TAOK1: variants seen among roughly 807,000 people sequenced by gnomAD.
TAOK1 encodes serine/threonine-protein kinase TAO1.
Under a neutral mutation model 138.3 loss-of-function variants are expected in TAOK1, and 21 were observed. That is an observed-to-expected ratio of 0.15 (90% CI 0.11 to 0.22). TAOK1 has a LOEUF of 0.22. TAOK1 is among the 10% of genes least tolerant of loss of function. The pLI, the probability that TAOK1 is intolerant of heterozygous loss-of-function variation, is 1.00. For synonymous variants in TAOK1, 361 were observed against 398.4 expected (o/e 0.91, Z 1.12); for missense variants, 651 against 1,227.7 (o/e 0.53, Z 7.02).
intron 1 of TAOK1, among the ~76,000 whole-genome samples, chr17:29,410,688 A>AGG (rs1389018222): frequency 7.2e-6 from 1 of 138,788 alleles, no homozygotes; most frequent in African/African-American, 2.8e-5. Context: ...GCTGGAGTGC[A>AGG]GTGGCGTGAT....
At chr17:29,391,438 C>T (rs895744011) in intron 1 of TAOK1, among the ~76,000 whole-genome samples, 1 of 152,070 alleles carries the variant, frequency 6.6e-6, no homozygotes, top group South Asian at 2.1e-4. Flanking sequence ...GATTCCACCC[C>T]CTAGCACAGG....
rs990410517 is a variant in TAOK1, at chr17:29,482,311, A to G, written c.655+23A>G. 8 of 1,561,762 alleles carry G rather than the reference A, an allele frequency of 5.1e-6. No homozygotes were observed. In the African/African-American group the frequency reaches 5.4e-5, roughly 11 times the overall value. On this transcript the variant is annotated intron_variant, in intron 8 of 19. Transcript: ENST00000261716. Reference sequence around the variant, plus strand: ...TAGGTAAGCATTGTTCTTCATTACTATGGATTAAGTTTTGATCAATGTTTT... The same window carrying G: ...TAGGTAAGCATTGTTCTTCATTACTGTGGATTAAGTTTTGATCAATGTTTT...
intron 1 of TAOK1, among the ~76,000 whole-genome samples, chr17:29,418,393 A>G (rs2153021552): frequency 6.6e-6 from 1 of 152,074 alleles, no homozygotes; most frequent in Middle Eastern, 3.4e-3. Flanking sequence ...TTTTGTAGAA[A>G]TAGGGTCTTG....
intron 6 of TAOK1, among the ~76,000 whole-genome samples, chr17:29,479,169 G>A (rs1234644406): frequency 6.6e-6 from 1 of 151,508 alleles, no homozygotes; most frequent in Admixed American, 6.6e-5. Context: ...AACAGAAGCT[G>A]CTTAAGACTC....
intron 17 of TAOK1, among the ~76,000 whole-genome samples, chr17:29,528,029 T>C (rs2150770684): frequency 6.6e-6 from 1 of 152,244 alleles, no homozygotes; most frequent in East Asian, 1.9e-4. Flanking sequence ...TTAGTTTTGT[T>C]ATTTTGTTTG....
At chr17:29,503,880 G>A (rs1450991729) in intron 13 of TAOK1, among the ~76,000 whole-genome samples, 2 of 152,138 alleles carry the variant, frequency 1.3e-5, no homozygotes, top group South Asian at 2.1e-4. Flanking sequence ...GGAGGCTGAA[G>A]TAAGTGGATC....
At chr17:29,497,635 CAAG>C (rs2031438605) in intron 11 of TAOK1, among the ~76,000 whole-genome samples, 1 of 134,174 alleles carries the variant, frequency 7.5e-6, no homozygotes, top group South Asian at 2.3e-4. Context: ...TTAGTTTACA[CAAG>C]AAGAGGTAGG....
At chr17:29,400,904 C>CTTTTTTTTTTTTTTT (rs10539936) in intron 1 of TAOK1, among the ~76,000 whole-genome samples, 1 of 105,276 alleles carries the variant, frequency 9.5e-6, no homozygotes, top group Non-Finnish European at 1.8e-5. Flanking sequence ...TTGTTTGCCT[C>CTTTTTTTTTTTTTTT]TTTTTTTTTT....
At chr17:29,486,543 G>A (rs2031177659) in intron 8 of TAOK1, among the ~76,000 whole-genome samples, 2 of 152,066 alleles carry the variant, frequency 1.3e-5, no homozygotes, top group South Asian at 4.1e-4. Context: ...TGAGGCAGGA[G>A]GATCTCTTGA....
At chr17:29,494,003 G>C (rs749123334) in intron 10 of TAOK1, among the ~76,000 whole-genome samples, 1 of 151,906 alleles carries the variant, frequency 6.6e-6, no homozygotes, top group Non-Finnish European at 1.5e-5. Flanking sequence ...TGCAACCTCT[G>C]CCTCTGAGGT....
intron 1 of TAOK1, among the ~76,000 whole-genome samples, chr17:29,422,513 C>T (rs372752060): frequency 2.0e-5 from 3 of 152,118 alleles, no homozygotes; most frequent in East Asian, 1.9e-4. Flanking sequence ...CCACTGCTCC[C>T]GGCCCCTCTA....
chr17:29,464,034 T>C (rs1048038127), intron 2 of TAOK1, among the ~76,000 whole-genome samples: 9 of 152,140 alleles, frequency 5.9e-5, no homozygotes, highest in Non-Finnish European at 1.0e-4. Flanking sequence ...AGACCACATA[T>C]ATGATTACAT....
chr17:29,499,153 T>A (rs187817463), intron 12 of TAOK1, among the ~76,000 whole-genome samples: 1 of 152,060 alleles, frequency 6.6e-6, no homozygotes, highest in Admixed American at 6.6e-5. Context: ...TGATAATGGT[T>A]GCCTTTGGGG....
intron 2 of TAOK1, among the ~76,000 whole-genome samples, chr17:29,455,073 G>A (rs2030341068): frequency 6.6e-6 from 1 of 152,002 alleles, no homozygotes; most frequent in Non-Finnish European, 1.5e-5. Flanking sequence ...ACCACACTTG[G>A]CTAATTTTTG....
chr17:29,546,092 A>G lies in TAOK1; in HGVS notation c.*3070A>G, dbSNP rs971657811. ...GAAGTCAGCTCTAACCCCAAATTCT[A>G]GTATCCAAAAGTATTTTTATTTGTA... On this transcript the variant is annotated 3_prime_UTR_variant, in exon 20 of 20. Transcript: ENST00000261716. 4.6e-5 allele frequency: 7 copies of G among 152,134 alleles called. No individual in the cohort carries two copies. The highest frequency in any genetic ancestry group is 1.0e-4 in the Non-Finnish European group (7 of 67,978). The allele number at this position is 152,134 out of a possible 1,614,324, so 9.4% of individuals were successfully genotyped here. A position where few individuals can be genotyped will look rare whatever the true frequency, so the allele number is the denominator to read the frequency against.
At chr17:29,396,254 A>G (rs1598462063) in intron 1 of TAOK1, among the ~76,000 whole-genome samples, 1 of 152,204 alleles carries the variant, frequency 6.6e-6, no homozygotes, top group Non-Finnish European at 1.5e-5. Context: ...TATTTGTGCC[A>G]GAAGCAGACT....
chr17:29,503,570 G>A (rs994193128), intron 13 of TAOK1, among the ~76,000 whole-genome samples: 1 of 151,886 alleles, frequency 6.6e-6, no homozygotes, highest in African/African-American at 2.4e-5. Flanking sequence ...GCTATAATGG[G>A]GCACTTAAAA....
At chr17:29,522,967 C>CG (rs2031943965) in intron 17 of TAOK1, among the ~76,000 whole-genome samples, 1 of 151,182 alleles carries the variant, frequency 6.6e-6, no homozygotes, top group Non-Finnish European at 1.5e-5. Context: ...CCCAGCTACT[C>CG]GGGGGGCTGA....
At chr17:29,415,838 C>T (rs903582453) in intron 1 of TAOK1, among the ~76,000 whole-genome samples, 1 of 152,078 alleles carries the variant, frequency 6.6e-6, no homozygotes, top group African/African-American at 2.4e-5. Context: ...TTTAAGAACC[C>T]GTCTACCATT....
Sources: gnomAD v4.1 joint callset for allele counts (sites outside exome capture counted in the v4.1 genomes callset) on GRCh38, gnomAD v4.1.1 for gene constraint, MANE v1.5 for transcripts, NCBI Gene and HGNC (gene_info 2026-07-23, HGNC 2026-07-21) for gene names.